CPS1: variants seen among roughly 807,000 people sequenced by gnomAD.
CPS1 encodes carbamoyl-phosphate synthase [ammonia], mitochondrial.
Under a neutral mutation model 174.6 loss-of-function variants are expected in CPS1, and 109 were observed. The observed-to-expected ratio is 0.62, with a 90% confidence interval of 0.53 to 0.73. The LOEUF is 0.73. CPS1 is among the 30% of genes least tolerant of loss of function. The probability of loss-of-function intolerance (pLI) is 0.00; values close to 1 mark genes in which losing one functional copy is unlikely to be tolerated. For missense variants in CPS1, 1,689 were observed against 1,821.9 expected (o/e 0.93, Z 1.33); for synonymous variants, 637 against 632.0 (o/e 1.01, Z -0.12).
chr2:210,611,987 T>G, intron 19 of CPS1, 130 bp from the exon 20 acceptor site: 1 of 788,784 alleles, frequency 1.3e-6, no homozygotes, highest in Non-Finnish European at 2.0e-6. Context: ...TTTTTTTTAA[T>G]TTGAGAGGCT....
intron 24 of CPS1, among the ~76,000 whole-genome samples, chr2:210,641,456 T>C (rs78706746): frequency 0.029 from 4,400 of 152,176 alleles, 89 homozygotes; most frequent in Admixed American, 0.048. Flanking sequence ...AATCTATTCA[T>C]GAGGGATCTG....
At chr2:210,593,084 A>G (rs751047123) in intron 11 of CPS1, 128 bp downstream of exon 11, 185 of 859,804 alleles carry the variant, frequency 2.2e-4, no homozygotes, top group Non-Finnish European at 3.4e-4. Context: ...TGCTTTGGTA[A>G]CACACATTTT....
Position 210,577,340 on chromosome 2 carries a change from T to G in CPS1, c.382-81T>G. On this transcript the variant is annotated intron_variant, in intron 3 of 37. Coordinates refer to ENST00000233072, the MANE Select transcript of CPS1 (RefSeq NM_001875.5). The stretch of plus-strand genomic sequence containing the variant: ...TCATGTCAGTGGATATCATAAAACT[T>G]AAAAACAAATGCAAATTGACTCACA... 9 of 1,173,304 alleles carry G rather than the reference T, an allele frequency of 7.7e-6. No individual in the cohort carries two copies. In the South Asian group the frequency reaches 9.7e-5, roughly 13 times the overall value. 72.7% of individuals were successfully genotyped at this position (1,173,304 alleles called of 1,614,324 possible).
At chr2:210,492,155 T>C (rs1694892287) in intron 1 of CPS1, among the ~76,000 whole-genome samples, 1 of 152,264 alleles carries the variant, frequency 6.6e-6, no homozygotes, top group Non-Finnish European at 1.5e-5. Flanking sequence ...TATCATTATA[T>C]AACATTCATC....
rs1314032706 is a variant in CPS1, at chr2:210,660,598, G to A, written c.3870G>A (p.Glu1290=). Residue 1290 remains glutamate (E), a synonymous_variant, in exon 32 of 38, where the codon GAG becomes GAA. Coordinates refer to ENST00000233072, the MANE Select transcript of CPS1 (RefSeq NM_001875.5). The part of the protein sequence containing the change: ...TKVMIGENVD[E]KHLPTLDHPI... Reference sequence around the variant, plus strand: ...TGATGATTGGAGAGAATGTTGATGAGAAACATCTTCCAACATTGGACCATC... The same window carrying A: ...TGATGATTGGAGAGAATGTTGATGAAAAACATCTTCCAACATTGGACCATC... The A allele has an allele frequency of 4.3e-6, 7 of 1,614,124 alleles. No individual in the cohort carries two copies. The highest frequency in any genetic ancestry group is 4.2e-6 in the Non-Finnish European group (5 of 1,179,988).
chr2:210,557,184 G>A (rs1029021190), intron 1 of CPS1, among the ~76,000 whole-genome samples: 7 of 152,086 alleles, frequency 4.6e-5, no homozygotes, highest in Non-Finnish European at 1.0e-4. Context: ...TTACAGTTTG[G>A]ATTTAAAAAA....
At chr2:210,634,361 C>T (rs559897237) in intron 21 of CPS1, among the ~76,000 whole-genome samples, 23 of 152,222 alleles carry the variant, frequency 1.5e-4, no homozygotes, top group African/African-American at 4.3e-4. Flanking sequence ...GCCCGGGAGG[C>T]GGAGCTTGCA....
At chr2:210,521,303 T>A (rs1448490045) in intron 1 of CPS1, among the ~76,000 whole-genome samples, 3 of 151,920 alleles carry the variant, frequency 2.0e-5, no homozygotes, top group Non-Finnish European at 4.4e-5. Context: ...CATCCTCATC[T>A]TTTTTCTTTC....
Position 210,668,216 on chromosome 2 carries a change from G to A in CPS1, c.4033G>A (p.Ala1345Thr), listed in dbSNP as rs748126618. 2 of 1,613,784 alleles carry A rather than the reference G, an allele frequency of 1.2e-6. No individual in the cohort carries two copies. Among genetic ancestry groups the A allele is most frequent in the Admixed American group, 1.7e-5 (1 of 59,968 alleles). ...TTGCTTTGGTGAAGGTATTCATACAGCCTTCCTAAAGGCAATGCTTTCCAC... is the reference window on the plus strand; with the variant it reads ...TTGCTTTGGTGAAGGTATTCATACAACCTTCCTAAAGGCAATGCTTTCCAC... ...VACFGEGIHTAFLKAMLSTGF... is the reference protein window; with the variant it reads ...VACFGEGIHTTFLKAMLSTGF... The change falls in exon 34 of 38, where the codon GCC (alanine) becomes ACC (threonine). Residue 1345 changes from alanine to threonine, a missense_variant. Physicochemically the swap from Ala to Thr is moderately conservative, Grantham distance 58 (BLOSUM62 0). Transcript: ENST00000233072.
At position 210,513,018 on chromosome 2, in the gene CPS1, ATATCTATATATT is replaced by A. The variant is rs1424693046; in HGVS notation, c.3+35256_3+35267del. ...TATATGGAGATATATATATATCTAT[ATATCTATATATT>A]TATATATATATGGAGATATATATAT... On this transcript the variant is annotated intron_variant, in intron 1 of 38. Coordinates refer to the CPS1 transcript ENST00000430249. Among the ~76,000 whole-genome samples, 40 of 84,084 alleles carry A rather than the reference ATATCTATATATT, an allele frequency of 4.8e-4. 8 individuals are homozygous for A. The highest frequency in any genetic ancestry group is 0.015 in the Middle Eastern group (2 of 130). 55.2% of individuals were successfully genotyped at this position (84,084 alleles called of 152,430 possible). A position where few individuals can be genotyped will look rare whatever the true frequency, so the allele number is the denominator to read the frequency against.
intron 15 of CPS1, among the ~76,000 whole-genome samples, chr2:210,601,174 T>A (rs1698713133): frequency 6.6e-6 from 1 of 151,952 alleles, no homozygotes; most frequent in Non-Finnish European, 1.5e-5. Flanking sequence ...AACCTGTAGT[T>A]TAGATATTTA....
rs776047286 is a variant in CPS1, at chr2:210,654,082, G to C, written c.3538G>C (p.Ala1180Pro). ...VEGAREVEMD[A>P]VGKDGRVISH... ...AGGGGCCCGAGAAGTAGAAATGGAC[G>C]CTGTTGGCAAAGATGGAAGGGTAAG... is the stretch of plus-strand genomic sequence containing the variant. Residue 1180 changes from alanine (A) to proline (P), a missense_variant, in exon 29 of 38, where the codon GCT becomes CCT. Physicochemically the swap from Ala to Pro is conservative, Grantham distance 27. Transcript: ENST00000233072. The C allele has an allele frequency of 6.2e-7, 1 of 1,613,770 alleles. No individual in the cohort carries two copies. Among genetic ancestry groups the C allele is most frequent in the Non-Finnish European group, 8.5e-7 (1 of 1,179,812 alleles).
At chr2:210,650,161 C>T (rs1345844002) in intron 27 of CPS1, among the ~76,000 whole-genome samples, 2 of 152,204 alleles carry the variant, frequency 1.3e-5, no homozygotes, top group Non-Finnish European at 2.9e-5. Context: ...TACACTTTAC[C>T]TTCTTCCATC....
At chr2:210,657,550 C>T (rs1242037965) in intron 30 of CPS1, 4 of 152,548 alleles carry the variant, frequency 2.6e-5, no homozygotes, top group East Asian at 1.9e-4. Flanking sequence ...CGTCGTGATC[C>T]GCCCGCCTCG....
chr2:210,546,141 G>A (rs1696558802), intron 1 of CPS1, among the ~76,000 whole-genome samples: 1 of 152,030 alleles, frequency 6.6e-6, no homozygotes, highest in Non-Finnish European at 1.5e-5. Context: ...GGACAAGTCT[G>A]TGTTCCAGAC....
In CPS1 at chr2:210,677,904, T is replaced by C. The variant is rs1221276789; in HGVS notation, c.4422T>C (p.Ala1474=). Residue 1474 remains alanine (A), a synonymous_variant, in exon 38 of 38, where the codon GCT becomes GCC. Coordinates refer to ENST00000233072, the MANE Select transcript of CPS1 (RefSeq NM_001875.5). ...ATTTTCAGGTGACCAAACTTTTTGCTGAAGCTGTGCAGAAATCTCGCAAGG... is the reference window on the plus strand; with the variant it reads ...ATTTTCAGGTGACCAAACTTTTTGCCGAAGCTGTGCAGAAATCTCGCAAGG... The part of the protein sequence containing the change: ...LTNFQVTKLF[A]EAVQKSRKVD... 2 of 1,613,958 alleles carry C rather than the reference T, an allele frequency of 1.2e-6. No homozygotes were observed. The highest frequency in any genetic ancestry group is 2.2e-5 in the East Asian group (1 of 44,884).
intron 1 of CPS1, among the ~76,000 whole-genome samples, chr2:210,569,253 A>G (rs1310813399): frequency 6.6e-6 from 1 of 152,080 alleles, no homozygotes; most frequent in African/African-American, 2.4e-5. Flanking sequence ...ATGAAGAAAG[A>G]GCAGACCAAG....
intron 1 of CPS1, among the ~76,000 whole-genome samples, chr2:210,569,753 A>G (rs1337164897): frequency 1.3e-5 from 2 of 152,004 alleles, no homozygotes; most frequent in African/African-American, 2.4e-5. Flanking sequence ...AAGGTCCTTT[A>G]TTTTATAGAA....
At chr2:210,622,233 T>G (rs1357993608) in intron 21 of CPS1, among the ~76,000 whole-genome samples, 1 of 151,606 alleles carries the variant, frequency 6.6e-6, no homozygotes, top group Non-Finnish European at 1.5e-5. Flanking sequence ...ACCTACATAC[T>G]TAAATATCAA....
Sources: allele counts gnomAD v4.1 joint callset (sites outside exome capture counted in the v4.1 genomes callset), GRCh38; gene constraint gnomAD v4.1.1; transcripts MANE v1.5; gene names NCBI Gene and HGNC (gene_info 2026-07-23, HGNC 2026-07-21).